The following STMN4 variants were observed in gnomAD, a reference collection of about 807,000 sequenced individuals.
STMN4 encodes the protein stathmin-4.
STMN4 carries 12 observed loss-of-function variants against 29.1 expected under a neutral mutation model. The observed-to-expected ratio is 0.41, with a 90% CI of 0.26 to 0.67. STMN4 has a LOEUF of 0.67. Ranked by LOEUF, STMN4 falls within the 30% of genes least tolerant of loss-of-function variation. STMN4 has a pLI of 0.30. For missense variants in STMN4, 181 were observed against 262.8 expected (o/e 0.69, Z 2.15); for synonymous variants, 114 against 105.3 (o/e 1.08, Z -0.51).
rs967826760 is a variant in STMN4, at chr8:27,236,186, C to A, written c.*660G>T. 1 of 152,162 alleles carries A rather than the reference C, an allele frequency of 6.6e-6. No individual in the cohort carries two copies. The highest frequency in any genetic ancestry group is 1.5e-5 in the Non-Finnish European group (1 of 68,030). The allele number at this position is 152,162 out of a possible 1,614,324, so 9.4% of individuals were successfully genotyped here. ...ACCCAGGCTCCAGATGCTTGAATGG[C>A]AGAATTAAGGAAGCAAAGGGGCATC... On this transcript the variant is annotated 3_prime_UTR_variant, in exon 7 of 7. Coordinates refer to ENST00000350889, the MANE Select transcript of STMN4 (RefSeq NM_030795.4).
At chr8:27,239,382 G>A in intron 6 of STMN4, 2 of 1,330,318 alleles carry the variant, frequency 1.5e-6, no homozygotes, top group East Asian at 2.5e-5. Context: ...CAGCAGAACG[G>A]GCCGGTATTC....
intron 1 of STMN4, among the ~76,000 whole-genome samples, chr8:27,256,055 G>A (rs2130180409): frequency 6.6e-6 from 1 of 152,314 alleles, no homozygotes; most frequent in African/African-American, 2.4e-5. Context: ...GACACACAGT[G>A]TACAACATGG....
Position 27,236,885 on chromosome 8 carries a change from C to T in STMN4, c.612G>A (p.Val204=). ...LQEKDKHAEE[V]RKNKELKEEA... Reference sequence around the variant, plus strand: ...CTTCCTTCAGCTCCTTGTTTTTCCGCACCTCCTCGGCGTGCTTGTCCTGGA... The same window carrying T: ...CTTCCTTCAGCTCCTTGTTTTTCCGTACCTCCTCGGCGTGCTTGTCCTGGA... The change falls in exon 7 of 7, where the codon GTG becomes GTA. Residue 204 remains valine (V), a synonymous_variant. Coordinates refer to ENST00000350889, the MANE Select transcript of STMN4 (RefSeq NM_030795.4). 1 of 1,608,912 alleles carries T rather than the reference C, an allele frequency of 6.2e-7. No individual in the cohort carries two copies. Among genetic ancestry groups the T allele is most frequent in the Non-Finnish European group, 8.5e-7 (1 of 1,177,984 alleles).
chr8:27,242,197 C>T, intron 3 of STMN4, 200 bp downstream of exon 3: 1 of 607,336 alleles, frequency 1.6e-6, no homozygotes, highest in East Asian at 2.8e-5. Flanking sequence ...TGATGCAGAC[C>T]TTCATGGCCT....
intron 2 of STMN4, among the ~76,000 whole-genome samples, chr8:27,243,160 G>A (rs545738950): frequency 8.5e-5 from 13 of 152,252 alleles, no homozygotes; most frequent in Non-Finnish European, 1.8e-4. Flanking sequence ...CCGCCTTGGG[G>A]CCCGTGTGTC....
chr8:27,241,227 C>A lies in STMN4; in HGVS notation c.226G>T (p.Asp76Tyr). 1.2e-6 allele frequency: 2 copies of A among 1,614,152 alleles called. No individual in the cohort carries two copies. The highest frequency in any genetic ancestry group is 1.7e-6 in the Non-Finnish European group (2 of 1,180,026). ...TTGTTCAGCTCGATGACTTCCATGT[C>A]GGAAATGACGCACCAATTCAGGTCC... ...TVDLNWCVIS[D>Y]MEVIELNKCT... The change falls in exon 5 of 7, where the codon GAC becomes TAC. Residue 76 changes from aspartate (D) to tyrosine (Y), a missense_variant. Physicochemically the swap from Asp to Tyr is radical, Grantham distance 160. Coordinates refer to ENST00000350889, the MANE Select transcript of STMN4 (RefSeq NM_030795.4).
chr8:27,257,154 T>A (rs936861622), intron 1 of STMN4, among the ~76,000 whole-genome samples: 2 of 152,102 alleles, frequency 1.3e-5, no homozygotes, highest in Admixed American at 6.5e-5. Flanking sequence ...TCAGACCTTT[T>A]CCCCTCTGCC....
chr8:27,238,637 G>T (rs1452041796), intron 6 of STMN4, among the ~76,000 whole-genome samples: 1 of 152,206 alleles, frequency 6.6e-6, no homozygotes. Context: ...AGGCTGGCAG[G>T]ACAATCACAG....
At chr8:27,257,075 G>A (rs1801962545) in intron 1 of STMN4, among the ~76,000 whole-genome samples, 1 of 152,152 alleles carries the variant, frequency 6.6e-6, no homozygotes, top group Non-Finnish European at 1.5e-5. Context: ...CAAAGCGGAG[G>A]GTTGGGGTGA....
chr8:27,242,036 A>G (rs957951408), intron 3 of STMN4: 2 of 568,794 alleles, frequency 3.5e-6, no homozygotes, highest in African/African-American at 3.7e-5. Flanking sequence ...GTTGACCTGG[A>G]AACTGACTCA....
At chr8:27,242,028 T>A (rs538376928) in intron 3 of STMN4, 113 of 572,508 alleles carry the variant, frequency 2.0e-4, no homozygotes, top group Non-Finnish European at 3.3e-4. Flanking sequence ...GGAGACCTGT[T>A]GACCTGGAAA....
intron 1 of STMN4, among the ~76,000 whole-genome samples, chr8:27,250,898 G>T (rs1459221084): frequency 3.3e-5 from 5 of 152,150 alleles, no homozygotes; most frequent in Admixed American, 2.0e-4. Context: ...AAAAGTGACA[G>T]CCCCAAATAA....
intron 6 of STMN4, among the ~76,000 whole-genome samples, chr8:27,237,664 G>A (rs1462427784): frequency 6.6e-6 from 1 of 152,182 alleles, no homozygotes; most frequent in Non-Finnish European, 1.5e-5. Flanking sequence ...ATTTCACAGG[G>A]TAGTGCAGCC....
At chr8:27,255,140 A>G (rs933944588) in intron 1 of STMN4, among the ~76,000 whole-genome samples, 8 of 152,170 alleles carry the variant, frequency 5.3e-5, no homozygotes, top group African/African-American at 1.7e-4. Flanking sequence ...AGAAAAAGCA[A>G]CCTTTCCCAG....
intron 1 of STMN4, among the ~76,000 whole-genome samples, chr8:27,244,738 G>A (rs1233463288): frequency 6.6e-6 from 1 of 152,196 alleles, no homozygotes; most frequent in Non-Finnish European, 1.5e-5. Flanking sequence ...AGATCAGAAA[G>A]TGGAAAGAGG....
rs111316561 is a variant in STMN4, at chr8:27,255,063, GA to G, written c.-79+3287del. Among the ~76,000 whole-genome samples, 1,424 of 145,094 alleles carry G rather than the reference GA, an allele frequency of 9.8e-3. 24 individuals carry two copies. Among genetic ancestry groups the G allele is most frequent in the African/African-American group, 0.034 (1,354 of 39,484 alleles). On this transcript the variant is annotated intron_variant, in intron 1 of 6. Transcript: ENST00000350889. ...AGAGGGACTAGAGATGTAAAACTCTGAAAAAAAAAACAATTTTTAAATGGCA... is the reference window on the plus strand; with the variant it reads ...AGAGGGACTAGAGATGTAAAACTCTGAAAAAAAAACAATTTTTAAATGGCA...
Position 27,239,529 on chromosome 8 carries a change from G to C in STMN4, c.591+442C>G, listed in dbSNP as rs1801403774. The C allele has an allele frequency of 4.2e-6, 3 of 718,786 alleles. No homozygotes were observed. In the East Asian group the frequency reaches 8.3e-5, roughly 20 times the overall value. The allele number at this position is 718,786 out of a possible 1,614,324, so 44.5% of individuals were successfully genotyped here. A position where few individuals can be genotyped will look rare whatever the true frequency, so the allele number is the denominator to read the frequency against. On this transcript the variant is annotated intron_variant, in intron 6 of 6. Coordinates refer to ENST00000350889, the MANE Select transcript of STMN4 (RefSeq NM_030795.4). ...TGTCAAGAGGTTTAGAGAGAATCAT[G>C]TTTCCTGCTCAGTGGGAATCTCAGC...
intron 6 of STMN4, chr8:27,239,449 T>C (rs1279534725): frequency 5.3e-6 from 4 of 752,446 alleles, no homozygotes; most frequent in Non-Finnish European, 8.4e-6. Flanking sequence ...GTGACACCGT[T>C]CCATTTATTG....
chr8:27,251,905 AC>A (rs1271917548), intron 1 of STMN4, among the ~76,000 whole-genome samples: 2 of 151,502 alleles, frequency 1.3e-5, no homozygotes. Context: ...GGTGTGCTGC[AC>A]CCACTAACTC....
Sources: allele counts gnomAD v4.1 joint callset (sites outside exome capture counted in the v4.1 genomes callset), GRCh38; gene constraint gnomAD v4.1.1; transcripts MANE v1.5; gene names NCBI Gene and HGNC (gene_info 2026-07-23, HGNC 2026-07-21).